GFOD1: variants seen among roughly 807,000 people sequenced by gnomAD.
GFOD1 encodes the protein Gfo/Idh/MocA-like oxidoreductase domain containing 1.
Under a neutral mutation model 25.4 loss-of-function variants are expected in GFOD1, and 9 were observed. The ratio of observed to expected loss-of-function variants is 0.35; its 90% CI spans 0.21 to 0.62. The LOEUF (loss-of-function observed/expected upper bound fraction) is 0.62, where lower values mean the gene tolerates loss of function less well. Among genes scored for constraint, GFOD1 ranks in the 20% least tolerant of loss-of-function variants. The pLI is 0.72. For missense variants in GFOD1, 403 were observed against 556.9 expected (o/e 0.72, Z 2.78); for synonymous variants, 253 against 245.6 (o/e 1.03, Z -0.28).
chr6:13,473,156 T>C (rs1462147699), intron 1 of GFOD1, among the ~76,000 whole-genome samples: 1 of 152,076 alleles, frequency 6.6e-6, no homozygotes, highest in Non-Finnish European at 1.5e-5. Flanking sequence ...TCCAAGGAGA[T>C]TATTGCATCC....
intron 1 of GFOD1, chr6:13,470,549 C>T: frequency 6.5e-7 from 1 of 1,542,186 alleles, no homozygotes. Flanking sequence ...GGAGCAGAAG[C>T]TCAGCTGAAC....
chr6:13,459,638 A>G (rs1454051291), intron 1 of GFOD1, among the ~76,000 whole-genome samples: 1 of 152,224 alleles, frequency 6.6e-6, no homozygotes, highest in Non-Finnish European at 1.5e-5. Flanking sequence ...CAGGACCTAC[A>G]AGGAACTTAA....
intron 1 of GFOD1, among the ~76,000 whole-genome samples, chr6:13,476,703 G>A (rs1758631102): frequency 6.6e-6 from 1 of 152,186 alleles, no homozygotes; most frequent in Non-Finnish European, 1.5e-5. Flanking sequence ...ATTAATCAAA[G>A]AAGCATCTTA....
intron 1 of GFOD1, among the ~76,000 whole-genome samples, chr6:13,390,812 G>GAAGA (rs1232164376): frequency 6.8e-6 from 1 of 147,364 alleles, no homozygotes; most frequent in Non-Finnish European, 1.5e-5. Flanking sequence ...AGGAAGGAAG[G>GAAGA]AAGGAAGGAA....
intron 1 of GFOD1, among the ~76,000 whole-genome samples, chr6:13,372,309 C>A (rs183095512): frequency 6.6e-6 from 1 of 152,268 alleles, no homozygotes; most frequent in East Asian, 1.9e-4. Context: ...CTCCTGAGAT[C>A]CCTCATGGGG....
In GFOD1 at chr6:13,421,122, A is replaced by G. The variant is rs184263819; in HGVS notation, c.254-55460T>C. On this transcript the variant is annotated intron_variant, in intron 1 of 1. Transcript: ENST00000379287. ...TGAATAATTAAAGAGAGTATGGTAC[A>G]TTTATATGATGGATATTTTTGAAGC... Among the ~76,000 whole-genome samples, 70 of 152,322 alleles carry G rather than the reference A, an allele frequency of 4.6e-4. 2 individuals are homozygous for G. The highest frequency in any genetic ancestry group is 6.8e-3 in the Middle Eastern group (2 of 294).
At chr6:13,420,548 C>T (rs1318196727) in intron 1 of GFOD1, among the ~76,000 whole-genome samples, 1 of 152,180 alleles carries the variant, frequency 6.6e-6, no homozygotes, top group Non-Finnish European at 1.5e-5. Context: ...TCCCAGAGCC[C>T]TCCTGAAAAC....
chr6:13,474,450 C>G (rs1758573590), intron 1 of GFOD1, among the ~76,000 whole-genome samples: 1 of 152,148 alleles, frequency 6.6e-6, no homozygotes, highest in Non-Finnish European at 1.5e-5. Flanking sequence ...CTTTTGTAGA[C>G]TGGCACTGGG....
chr6:13,480,012 G>A (rs377335982), intron 1 of GFOD1, among the ~76,000 whole-genome samples: 2 of 152,320 alleles, frequency 1.3e-5, no homozygotes, highest in East Asian at 3.9e-4. Flanking sequence ...CCGCTGGCGT[G>A]GCAATGCTGG....
chr6:13,403,871 A>T (rs1343437419), intron 1 of GFOD1, among the ~76,000 whole-genome samples: 2 of 152,196 alleles, frequency 1.3e-5, no homozygotes, highest in African/African-American at 4.8e-5. Flanking sequence ...CAGTGGAAGG[A>T]TGTTGGAAGA....
chr6:13,431,387 T>C (rs962310326), intron 1 of GFOD1, among the ~76,000 whole-genome samples: 2 of 152,244 alleles, frequency 1.3e-5, no homozygotes, highest in Admixed American at 6.5e-5. Context: ...TTCTTTCTAC[T>C]CTACCACTCA....
At chr6:13,465,728 A>G (rs1758369226) in intron 1 of GFOD1, among the ~76,000 whole-genome samples, 1 of 152,214 alleles carries the variant, frequency 6.6e-6, no homozygotes, top group Non-Finnish European at 1.5e-5. Context: ...AATTGAGCCC[A>G]GTGAAGCTGA....
chr6:13,459,156 G>C (rs2127575146), intron 1 of GFOD1, among the ~76,000 whole-genome samples: 1 of 152,232 alleles, frequency 6.6e-6, no homozygotes, highest in East Asian at 1.9e-4. Flanking sequence ...CATCAAAATA[G>C]ACACATAGAC....
At chr6:13,380,807 G>C (rs1377443240) in intron 1 of GFOD1, among the ~76,000 whole-genome samples, 1 of 152,210 alleles carries the variant, frequency 6.6e-6, no homozygotes, top group Non-Finnish European at 1.5e-5. Context: ...ACTAGGCTGA[G>C]GATCGCTGGG....
chr6:13,420,214 G>A lies in GFOD1; in HGVS notation c.254-54552C>T, dbSNP rs78142676. ...AGCCAGTGGGCCCTCTAGTTTCTTT[G>A]TATACACAGATTTGTTTCCAAATAG... On this transcript the variant is annotated intron_variant, in intron 1 of 1. Coordinates refer to ENST00000379287, the MANE Select transcript of GFOD1 (RefSeq NM_018988.4). Among the ~76,000 whole-genome samples, 452 of 152,296 alleles carry A rather than the reference G, an allele frequency of 3.0e-3. 2 individuals are homozygous for A. Among genetic ancestry groups the A allele is most frequent in the Non-Finnish European group, 5.1e-3 (345 of 68,024 alleles).
intron 1 of GFOD1, among the ~76,000 whole-genome samples, chr6:13,387,248 A>G (rs180988410): frequency 6.6e-6 from 1 of 152,340 alleles, no homozygotes; most frequent in Admixed American, 6.5e-5. Flanking sequence ...AGATAATCTG[A>G]CAACTCCTTT....
intron 1 of GFOD1, among the ~76,000 whole-genome samples, chr6:13,400,981 G>A (rs1785829887): frequency 6.6e-6 from 1 of 152,196 alleles, no homozygotes; most frequent in African/African-American, 2.4e-5. Context: ...TCCTCAGCAA[G>A]GATTACTTCC....
intron 1 of GFOD1, among the ~76,000 whole-genome samples, chr6:13,434,643 A>C (rs1211703865): frequency 1.3e-5 from 2 of 152,252 alleles, no homozygotes; most frequent in Non-Finnish European, 2.9e-5. Flanking sequence ...ACATGGGAGC[A>C]CAGAAGTCAA....
chr6:13,443,249 T>C (rs1757945270), intron 1 of GFOD1, among the ~76,000 whole-genome samples: 1 of 152,254 alleles, frequency 6.6e-6, no homozygotes, highest in South Asian at 2.1e-4. Flanking sequence ...GAGAAGCTGC[T>C]TCTTATGGAT....
Sources: allele counts gnomAD v4.1 joint callset (sites outside exome capture counted in the v4.1 genomes callset), GRCh38; gene constraint gnomAD v4.1.1; transcripts MANE v1.5; gene names NCBI Gene and HGNC (gene_info 2026-07-23, HGNC 2026-07-21).